The following SBF2 variants were observed in gnomAD, a reference collection of about 807,000 sequenced individuals.
The protein encoded by SBF2 is myotubularin-related protein 13.
In SBF2, 112 loss-of-function variants were observed where a neutral mutation model predicts 225.2. The ratio of observed to expected loss-of-function variants is 0.50; its 90% CI spans 0.43 to 0.58. The LOEUF is 0.58. Among genes scored for constraint, SBF2 ranks in the 20% least tolerant of loss-of-function variants. SBF2 has a pLI of 0.00. For synonymous variants in SBF2, 763 were observed against 773.3 expected (o/e 0.99, Z 0.22); for missense variants, 1,996 against 2,206.2 (o/e 0.90, Z 1.91).
At chr11:10,243,587 AAAG>A (rs1186501267) in intron 1 of SBF2, among the ~76,000 whole-genome samples, 1 of 152,016 alleles carries the variant, frequency 6.6e-6, no homozygotes, top group African/African-American at 2.4e-5. Flanking sequence ...AAAAAAAACA[AAAG>A]AAGACTCAAA....
Position 9,944,177 on chromosome 11 carries a change from A to G in SBF2, c.1860+17780T>C, listed in dbSNP as rs1404817393. Among the ~76,000 whole-genome samples, 3 of 152,366 alleles carry G rather than the reference A, an allele frequency of 2.0e-5. No homozygotes were observed. The South Asian group carries it at 6.2e-4, about 32-fold the overall frequency. ...AAACTAAACTGAATTATATTTTAAGAGTACATCCTTATTGGGTAAAACTGT... is the reference window on the plus strand; with the variant it reads ...AAACTAAACTGAATTATATTTTAAGGGTACATCCTTATTGGGTAAAACTGT... On this transcript the variant is annotated intron_variant, in intron 16 of 39. Coordinates refer to ENST00000256190, the MANE Select transcript of SBF2 (RefSeq NM_030962.4).
intron 1 of SBF2, among the ~76,000 whole-genome samples, chr11:10,214,923 A>C (rs181860557): frequency 6.6e-6 from 1 of 152,278 alleles, no homozygotes; most frequent in East Asian, 1.9e-4. Flanking sequence ...AAATCTTTGG[A>C]AAAAGTAGAG....
chr11:9,854,409 G>T (rs1187790145), intron 19 of SBF2, among the ~76,000 whole-genome samples: 1 of 152,094 alleles, frequency 6.6e-6, no homozygotes, highest in Admixed American at 6.5e-5. Flanking sequence ...CAACCCATCA[G>T]ACTCTGGGAA....
chr11:10,194,965 T>A (rs529585843), intron 1 of SBF2, among the ~76,000 whole-genome samples: 2 of 152,216 alleles, frequency 1.3e-5, no homozygotes, highest in African/African-American at 4.8e-5. Flanking sequence ...AACTTTTCTA[T>A]GGAGATGAAA....
At chr11:9,875,104 G>A (rs1859110057) in intron 17 of SBF2, among the ~76,000 whole-genome samples, 1 of 152,194 alleles carries the variant, frequency 6.6e-6, no homozygotes, top group South Asian at 2.1e-4. Context: ...TTACCTAGTG[G>A]CCATTTCCCA....
chr11:10,030,012 C>T (rs1949197883), intron 4 of SBF2, 137 bp from the exon 5 acceptor site: 2 of 685,398 alleles, frequency 2.9e-6, no homozygotes, highest in African/African-American at 3.6e-5. Context: ...ACATTTTAAA[C>T]AGCAAAAATT....
chr11:9,937,609 C>G (rs1056082821), intron 16 of SBF2, among the ~76,000 whole-genome samples: 1 of 151,732 alleles, frequency 6.6e-6, no homozygotes, highest in Non-Finnish European at 1.5e-5. Context: ...CTTGGAGGTT[C>G]TGGAGAATAC....
At position 10,043,012 on chromosome 11, in the gene SBF2, T is replaced by C. The variant is rs1418225129; in HGVS notation, c.142-31A>G. ...TGAAATAGAAAAAAAAATGTAACAT[T>C]TAAAAACAATAAAAGTTAATTATTA... On this transcript the variant is annotated intron_variant, in intron 2 of 39. Transcript: ENST00000256190. 3.1e-6 allele frequency: 5 copies of C among 1,600,360 alleles called. No homozygotes were observed. In the South Asian group the frequency reaches 4.4e-5, roughly 14 times the overall value.
At chr11:10,301,179 C>G (rs1011967106) in intron 1 of SBF2, among the ~76,000 whole-genome samples, 4 of 152,154 alleles carry the variant, frequency 2.6e-5, no homozygotes, top group Non-Finnish European at 5.9e-5. Context: ...CACTATAAAC[C>G]AGACAGAAAT....
intron 2 of SBF2, among the ~76,000 whole-genome samples, chr11:10,173,900 G>T (rs1410427375): frequency 6.6e-6 from 1 of 151,812 alleles, no homozygotes; most frequent in Non-Finnish European, 1.5e-5. Flanking sequence ...AGCAGGGGCA[G>T]ACTGACACCT....
At chr11:9,978,104 AAAC>A (rs1220360746) in intron 13 of SBF2, among the ~76,000 whole-genome samples, 1 of 152,218 alleles carries the variant, frequency 6.6e-6, no homozygotes, top group Non-Finnish European at 1.5e-5. Flanking sequence ...GTGATTAAAA[AAAC>A]AACAACTGAC....
intron 17 of SBF2, among the ~76,000 whole-genome samples, chr11:9,860,261 GTT>G (rs66485704): frequency 3.8e-4 from 49 of 127,360 alleles, no homozygotes; most frequent in Non-Finnish European, 4.2e-4. Context: ...TTTTGAAACA[GTT>G]TTTTTTTTTT....
At position 9,868,671 on chromosome 11, in the gene SBF2, A is replaced by C. The variant is rs530668505; in HGVS notation, c.1930-10275T>G. On this transcript the variant is annotated intron_variant, in intron 17 of 39. Coordinates refer to ENST00000256190, the MANE Select transcript of SBF2 (RefSeq NM_030962.4). ...ATATTGCTAGCATCAATTTTATTCT[A>C]GTTTCTTTTTCCACCTGCAATTTAT... is the stretch of plus-strand genomic sequence containing the variant. Among the ~76,000 whole-genome samples, 18 of 152,340 alleles carry C rather than the reference A, an allele frequency of 1.2e-4. No homozygotes were observed. In the South Asian group the frequency reaches 1.7e-3, roughly 14 times the overall value.
chr11:10,172,941 T>C (rs530093905), intron 2 of SBF2, among the ~76,000 whole-genome samples: 1 of 152,346 alleles, frequency 6.6e-6, no homozygotes, highest in South Asian at 2.1e-4. Context: ...GTGCTGGGAC[T>C]ACAGGCATGA....
chr11:9,874,155 A>G (rs962680498), intron 17 of SBF2, among the ~76,000 whole-genome samples: 2 of 152,188 alleles, frequency 1.3e-5, no homozygotes, highest in Non-Finnish European at 2.9e-5. Flanking sequence ...TATCTTAGAG[A>G]CTAATGACAA....
rs376649219 is a variant in SBF2, at chr11:10,052,512, A to G, written c.142-9531T>C. Reference sequence around the variant, plus strand: ...TCTTTAAGAACTTAGTATAACCTATAAGCAAATTATACTTCAAGTTTGCAA... The same window carrying G: ...TCTTTAAGAACTTAGTATAACCTATGAGCAAATTATACTTCAAGTTTGCAA... On this transcript the variant is annotated intron_variant, in intron 2 of 39. Transcript: ENST00000256190. Among the ~76,000 whole-genome samples, 5 of 152,292 alleles carry G rather than the reference A, an allele frequency of 3.3e-5. No homozygotes were observed. The South Asian group carries it at 1.0e-3, about 32-fold the overall frequency.
chr11:9,914,085 T>C (rs1181483551), intron 16 of SBF2, among the ~76,000 whole-genome samples: 2 of 152,140 alleles, frequency 1.3e-5, no homozygotes, highest in African/African-American at 4.8e-5. Flanking sequence ...GCCAAAAACA[T>C]AGACTGAAGA....
intron 6 of SBF2, among the ~76,000 whole-genome samples, chr11:10,012,615 CCTT>C (rs1380023423): frequency 6.6e-6 from 1 of 152,112 alleles, no homozygotes; most frequent in East Asian, 1.9e-4. Context: ...GATTTAAAGT[CCTT>C]ATCTGCTAAA....
chr11:10,284,380 T>C (rs893652739), intron 1 of SBF2, among the ~76,000 whole-genome samples: 3 of 152,172 alleles, frequency 2.0e-5, no homozygotes. Flanking sequence ...CAAAAATTCC[T>C]CCCAATTACC....
Sources: gnomAD v4.1 joint callset for allele counts (sites outside exome capture counted in the v4.1 genomes callset) on GRCh38, gnomAD v4.1.1 for gene constraint, MANE v1.5 for transcripts, NCBI Gene and HGNC (gene_info 2026-07-23, HGNC 2026-07-21) for gene names.